The following ARHGEF10 variants were observed in gnomAD, a reference collection of about 807,000 sequenced individuals.
ARHGEF10 encodes Rho guanine nucleotide exchange factor (GEF) 10.
ARHGEF10 carries 140 observed loss-of-function variants against 147.4 expected under a neutral mutation model. That is an observed-to-expected ratio of 0.95 (90% CI 0.83 to 1.09). The LOEUF (loss-of-function observed/expected upper bound fraction) is 1.09. Ranked by LOEUF, ARHGEF10 falls within the 50% of genes least tolerant of loss-of-function variation. The pLI is 0.00. For synonymous variants in ARHGEF10, 902 were observed against 695.8 expected, an observed-to-expected ratio of 1.30 and a Z score of -4.67; for missense variants, 2,222 against 1,752.7, an observed-to-expected ratio of 1.27 and a Z score of -4.78.
At chr8:1,890,719 A>C (rs1809460117) in intron 11 of ARHGEF10, among the ~76,000 whole-genome samples, 1 of 136,510 alleles carries the variant, frequency 7.3e-6, no homozygotes, top group Admixed American at 6.9e-5. Flanking sequence ...GTGGGGTGTC[A>C]CTGGGTAAGA....
At chr8:1,927,168 C>T in intron 23 of ARHGEF10, 1 of 155,424 alleles carries the variant, frequency 6.4e-6, no homozygotes, top group Non-Finnish European at 1.4e-5. Context: ...TTGTACCAAC[C>T]TATGAATGGA....
chr8:1,883,392 C>A (rs558155867), intron 10 of ARHGEF10, among the ~76,000 whole-genome samples: 1 of 151,996 alleles, frequency 6.6e-6, no homozygotes, highest in East Asian at 1.9e-4. Flanking sequence ...ATACAGGGGT[C>A]GCTGTGACTC....
At chr8:1,869,509 G>A (rs1806910358) in intron 7 of ARHGEF10, 3 of 603,502 alleles carry the variant, frequency 5.0e-6, no homozygotes, top group South Asian at 3.7e-5. Flanking sequence ...AGAAAATGCC[G>A]GCAAAGAGGT....
intron 2 of ARHGEF10, among the ~76,000 whole-genome samples, chr8:1,846,305 C>G (rs545577806): frequency 2.6e-5 from 4 of 152,246 alleles, no homozygotes; most frequent in Admixed American, 2.6e-4. Flanking sequence ...AGGTGAGTTT[C>G]TAGCCAATAA....
chr8:1,941,385 G>T (rs1285199830), intron 26 of ARHGEF10, among the ~76,000 whole-genome samples: 1 of 152,122 alleles, frequency 6.6e-6, no homozygotes, highest in Non-Finnish European at 1.5e-5. Context: ...AAAATACTTG[G>T]AGAAATTTTT....
intron 24 of ARHGEF10, 143 bp downstream of exon 24, chr8:1,928,793 AG>A (rs1300057832): frequency 8.0e-6 from 7 of 879,436 alleles, no homozygotes; most frequent in Non-Finnish European, 1.3e-5. Flanking sequence ...GGAAATTTTT[AG>A]GGTCATTGCA....
At chr8:1,900,879 C>T (rs143566703) in intron 15 of ARHGEF10, among the ~76,000 whole-genome samples, 1 of 152,164 alleles carries the variant, frequency 6.6e-6, no homozygotes, top group Non-Finnish European at 1.5e-5. Context: ...TTTAGAATTT[C>T]CCACACAGGG....
intron 2 of ARHGEF10, among the ~76,000 whole-genome samples, chr8:1,845,293 G>T (rs1224739740): frequency 2.6e-5 from 4 of 152,150 alleles, no homozygotes; most frequent in Non-Finnish European, 4.4e-5. Context: ...CCCTCCAGGG[G>T]CCCCCTCCCG....
At chr8:1,929,471 C>T (rs199517475) in intron 25 of ARHGEF10, 28 bp downstream of exon 25, 364 of 1,586,974 alleles carry the variant, frequency 2.3e-4, no homozygotes, top group Non-Finnish European at 3.0e-4. Flanking sequence ...GCCTCCTGGC[C>T]GGTCCTTGGG....
At chr8:1,829,059 C>A (rs1186988568) in intron 1 of ARHGEF10, among the ~76,000 whole-genome samples, 4 of 152,250 alleles carry the variant, frequency 2.6e-5, no homozygotes, top group African/African-American at 9.6e-5. Context: ...GGAGAGGAAG[C>A]AGGCGGCAGG....
At chr8:1,938,816 A>G (rs1474442965) in intron 26 of ARHGEF10, among the ~76,000 whole-genome samples, 1 of 152,158 alleles carries the variant, frequency 6.6e-6, no homozygotes, top group African/African-American at 2.4e-5. Context: ...AGAAGAGGCC[A>G]GAGATCCCCG....
Position 1,944,138 on chromosome 8 carries a change from C to T in ARHGEF10, c.3223-1343C>T, listed in dbSNP as rs374908328. ...GTCGCCTCCCCCAGGATCCCAGCCT[C>T]CCGCATCGTGTCGCCTCCCTCGGGA... On this transcript the variant is annotated intron_variant, in intron 26 of 28. Transcript: ENST00000349830. 2.0e-4 allele frequency among the ~76,000 whole-genome samples: 16 copies of T among 81,686 alleles called. No individual in the cohort carries two copies. In the East Asian group the frequency reaches 3.9e-3, roughly 20 times the overall value. 53.6% of individuals were successfully genotyped at this position (81,686 alleles called of 152,430 possible).
rs368618077 is a variant in ARHGEF10 at position 1,898,454 on chromosome 8, G to T, written c.1579G>T (p.Asp527Tyr). ...ACAGCAGGAACAGGAGGCCAGCCCC[G>T]ATCGAACCACGCTCTACAGCCTGAT... is the stretch of plus-strand genomic sequence containing the variant. ...FLKQEQEASPDRTTLYSLMMK... is the reference protein window; with the variant it reads ...FLKQEQEASPYRTTLYSLMMK... Residue 527 changes from aspartate (D) to tyrosine (Y), a missense_variant, in exon 15 of 29, where the codon GAT (aspartate) becomes TAT (tyrosine). Coordinates refer to ENST00000349830, the MANE Select transcript of ARHGEF10 (RefSeq NM_014629.4). 3.1e-6 allele frequency: 5 copies of T among 1,613,984 alleles called. No individual in the cohort carries two copies. Among genetic ancestry groups the T allele is most frequent in the East Asian group, 4.5e-5 (2 of 44,866 alleles).
Position 1,903,274 on chromosome 8 carries a change from C to T in ARHGEF10, c.1651-7C>T. 6.2e-7 allele frequency: 1 copy of T among 1,614,088 alleles called. No individual in the cohort carries two copies. Among genetic ancestry groups the T allele is most frequent in the South Asian group, 1.1e-5 (1 of 91,084 alleles). On this transcript the variant is annotated splice_region_variant and splice_polypyrimidine_tract_variant and intron_variant, in intron 15 of 28. Transcript: ENST00000349830. ...GTAACTGCCCACCTCTCCCCTGTTG[C>T]TTGTAGGACATGCTGAAGAACACCT...
chr8:1,920,210 C>T (rs575873722), intron 18 of ARHGEF10, among the ~76,000 whole-genome samples: 254 of 152,138 alleles, frequency 1.7e-3, no homozygotes, highest in Non-Finnish European at 2.0e-3. Flanking sequence ...TATATAGAGC[C>T]GCACACCAAA....
Position 1,826,007 on chromosome 8 carries a change from A to G in ARHGEF10, c.-48+1894A>G, listed in dbSNP as rs762421098. The G allele has an allele frequency of 2.6e-5, 27 of 1,020,262 alleles. No individual in the cohort carries two copies. The African/African-American group carries it at 2.7e-4, about 10-fold the overall frequency. The allele number at this position is 1,020,262 out of a possible 1,614,324, so 63.2% of individuals were successfully genotyped here. On this transcript the variant is annotated intron_variant, in intron 1 of 28. Transcript: ENST00000349830. The stretch of plus-strand genomic sequence containing the variant: ...GATTACTGAGGTTTACACGTCATGT[A>G]TTTTTAAAAACACACTTTGTCCCTG...
chr8:1,908,489 C>T (rs1367482926), intron 17 of ARHGEF10, among the ~76,000 whole-genome samples: 1 of 152,158 alleles, frequency 6.6e-6, no homozygotes, highest in Non-Finnish European at 1.5e-5. Context: ...GCCTTGGCCT[C>T]CCAAAGTGCT....
chr8:1,909,052 T>C (rs895982856), intron 17 of ARHGEF10, among the ~76,000 whole-genome samples: 2 of 152,244 alleles, frequency 1.3e-5, no homozygotes, highest in African/African-American at 4.8e-5. Context: ...ACCTCGGAGC[T>C]TCCGGGAGAT....
intron 8 of ARHGEF10, among the ~76,000 whole-genome samples, chr8:1,878,952 CG>C (rs1440213388): frequency 6.6e-6 from 1 of 152,088 alleles, no homozygotes; most frequent in Non-Finnish European, 1.5e-5. Context: ...TGGCCTGGAC[CG>C]GGGGTGGGAA....
Sources: gnomAD v4.1 joint callset for allele counts (sites outside exome capture counted in the v4.1 genomes callset) on GRCh38, gnomAD v4.1.1 for gene constraint, MANE v1.5 for transcripts, NCBI Gene and HGNC (gene_info 2026-07-23, HGNC 2026-07-21) for gene names.